DLST: variants seen among roughly 807,000 people sequenced by gnomAD.
DLST encodes dihydrolipoyllysine-residue succinyltransferase component of 2-oxoglutarate dehydrogenase complex, mitochondrial.
Under a neutral mutation model 53.1 loss-of-function variants are expected in DLST, and 17 were observed. The observed-to-expected ratio is 0.32, with a 90% CI of 0.22 to 0.48. The LOEUF is 0.48. DLST is among the 20% of genes least tolerant of loss of function. DLST has a pLI of 0.99. For missense variants in DLST, 512 were observed against 583.9 expected (o/e 0.88, Z 1.27); for synonymous variants, 206 against 204.8 (o/e 1.01, Z -0.05).
chr14:74,883,121 C>T (rs930460136), intron 2 of DLST, among the ~76,000 whole-genome samples: 4 of 151,944 alleles, frequency 2.6e-5, no homozygotes, highest in Non-Finnish European at 5.9e-5. Context: ...GGTGAAACCC[C>T]ATCTCTACTA....
At chr14:74,893,178 T>C (rs1181006971) in intron 8 of DLST, among the ~76,000 whole-genome samples, 170 bp from the exon 9 acceptor site, 1 of 152,154 alleles carries the variant, frequency 6.6e-6, no homozygotes, top group Non-Finnish European at 1.5e-5. Context: ...GTCTTTAGGC[T>C]AGTCACTTAA....
chr14:74,882,618 C>T lies in DLST; in HGVS notation c.91C>T (p.Leu31=). 1 of 1,613,942 alleles carries T rather than the reference C, an allele frequency of 6.2e-7. No homozygotes were observed. Among genetic ancestry groups the T allele is most frequent in the Non-Finnish European group, 8.5e-7 (1 of 1,179,990 alleles). ...KGNCPLGRRS[L]PGVSLCQGPG... ...GAACTGCCCTCTAGGGAGACGTTCC[C>T]TGCCTGGTAAGTTCTGCCCTTACCG... Residue 31 remains leucine, a synonymous_variant, in exon 2 of 15, where the codon CTG becomes TTG. Coordinates refer to ENST00000334220, the MANE Select transcript of DLST (RefSeq NM_001933.5).
chr14:74,882,994 A>C (rs1883581421), intron 2 of DLST, among the ~76,000 whole-genome samples: 1 of 152,210 alleles, frequency 6.6e-6, no homozygotes, highest in African/African-American at 2.4e-5. Context: ...TGAGGAGGTG[A>C]CTTAAAAGTT....
At chr14:74,882,162 G>C in intron 1 of DLST, 146 bp downstream of exon 1, 1 of 688,490 alleles carries the variant, frequency 1.5e-6, no homozygotes, top group Non-Finnish European at 2.0e-6. Context: ...TGGGCGGCCC[G>C]GGGCCGTGGT....
chr14:74,883,326 C>T (rs1008085015), intron 2 of DLST, among the ~76,000 whole-genome samples: 2 of 150,210 alleles, frequency 1.3e-5, no homozygotes, highest in Non-Finnish European at 3.0e-5. Flanking sequence ...TTATGGCTAG[C>T]AGAATGTGAC....
At chr14:74,901,429 T>A (rs1285055542) in intron 14 of DLST, among the ~76,000 whole-genome samples, 196 bp downstream of exon 14, 1 of 152,242 alleles carries the variant, frequency 6.6e-6, no homozygotes, top group Non-Finnish European at 1.5e-5. Flanking sequence ...TGCATATTCT[T>A]AGACCCCATC....
rs151007114 is a variant in DLST, at chr14:74,881,993, C to G, written c.40C>G (p.Arg14Gly). ...RSRCVSRAFS[R>G]SLSAFQKGNC... ...CCGCTGTGTGTCTCGGGCGTTCAGC[C>G]GCTCGCTCTCCGCCTTCCAGAAGGT... is the stretch of plus-strand genomic sequence containing the variant. The change falls in exon 1 of 15, where the codon CGC (arginine) becomes GGC (glycine). Residue 14 changes from arginine to glycine, a missense_variant. Physicochemically the swap from Arg to Gly is moderately radical, Grantham distance 125. Transcript: ENST00000334220. 2 of 1,572,600 alleles carry G rather than the reference C, an allele frequency of 1.3e-6. No individual in the cohort carries two copies. Among genetic ancestry groups the G allele is most frequent in the African/African-American group, 1.4e-5 (1 of 73,374 alleles).
rs369591678 is a variant in DLST at position 74,899,927 on chromosome 14, T to G, written c.906T>G (p.Ile302Met). 6.2e-7 allele frequency: 1 copy of G among 1,612,240 alleles called. No homozygotes were observed. Among genetic ancestry groups the G allele is most frequent in the Non-Finnish European group, 8.5e-7 (1 of 1,179,110 alleles). Residue 302 changes from isoleucine (I) to methionine (M), a missense_variant, in exon 12 of 15, where the codon ATT (isoleucine) becomes ATG (methionine). Physicochemically the swap from Ile to Met is conservative, Grantham distance 10. Coordinates refer to ENST00000334220, the MANE Select transcript of DLST (RefSeq NM_001933.5). ...LQEQPVVNAV[I>M]DDTTKEVVYR... The stretch of plus-strand genomic sequence containing the variant: ...CATGTATTTTCTCTCTCATAGTGAT[T>G]GACGACACAACCAAAGAGGTGGTGT...
intron 3 of DLST, among the ~76,000 whole-genome samples, chr14:74,886,298 TCTTA>T (rs1361402811): frequency 1.3e-5 from 2 of 152,220 alleles, no homozygotes; most frequent in African/African-American, 2.4e-5. Flanking sequence ...CGGATGAGCT[TCTTA>T]CTTACTCTAC....
intron 10 of DLST, 38 bp downstream of exon 10, chr14:74,894,447 T>C: frequency 6.2e-7 from 1 of 1,600,424 alleles, no homozygotes; most frequent in South Asian, 1.1e-5. Context: ...TAGGCCCCTT[T>C]TTCTTAGAGA....
chr14:74,893,420 A>G lies in DLST; in HGVS notation c.668A>G (p.His223Arg), dbSNP rs1300645820. The part of the protein sequence containing the change: ...PGAGKGLRSE[H>R]REKMNRMRQR... ...GCTGGCAAAGGTCTGCGTTCAGAAC[A>G]TCGGGTAAGCCTCTGAGGACCACTT... Residue 223 changes from histidine to arginine, a missense_variant, in exon 9 of 15, where the codon CAT (histidine) becomes CGT (arginine). Around this residue, in one of 4 missense-constraint regions of DLST, gnomAD observed 162 missense variants for 162.0 expected, o/e 1.00. Coordinates refer to ENST00000334220, the MANE Select transcript of DLST (RefSeq NM_001933.5). The G allele has an allele frequency of 1.3e-5, 21 of 1,614,222 alleles. No individual in the cohort carries two copies. Among genetic ancestry groups the G allele is most frequent in the Non-Finnish European group, 1.6e-5 (19 of 1,180,046 alleles).
chr14:74,894,441 C>T (rs776700923), intron 10 of DLST, 32 bp downstream of exon 10: 3 of 1,602,470 alleles, frequency 1.9e-6, no homozygotes, highest in Non-Finnish European at 2.6e-6. Flanking sequence ...ATCCCCTAGG[C>T]CCCTTTTTCT....
At chr14:74,891,566 CTT>C (rs1230559317) in intron 7 of DLST, 2 of 993,262 alleles carry the variant, frequency 2.0e-6, no homozygotes, top group African/African-American at 3.5e-5. Flanking sequence ...TGCTCATTGT[CTT>C]TTATGGGGAA....
At position 74,902,328 on chromosome 14, in the gene DLST, T is replaced by C. The variant is rs779551720; in HGVS notation, c.1360T>C (p.Ter454GlnextTer9). The C allele has an allele frequency of 3.7e-6, 6 of 1,610,094 alleles. No individual in the cohort carries two copies. The highest frequency in any genetic ancestry group is 2.2e-5 in the East Asian group (1 of 44,798). Residue 454 changes from the stop codon to glutamine (Q), a stop_lost, in exon 15 of 15, where the codon TAG becomes CAG. Coordinates refer to ENST00000334220, the MANE Select transcript of DLST (RefSeq NM_001933.5). ...EDPRVLLLDL* is the reference protein window; with the variant it reads ...EDPRVLLLDLQ ...TCCCAGAGTCCTCCTCCTGGATCTT[T>C]AGGAGGAACCCACACACCCTACAAG...
intron 10 of DLST, among the ~76,000 whole-genome samples, chr14:74,895,985 C>T (rs997355170): frequency 6.6e-6 from 1 of 152,208 alleles, no homozygotes; most frequent in Non-Finnish European, 1.5e-5. Flanking sequence ...TCCCAAATGG[C>T]TGGGACCACT....
At chr14:74,899,332 T>TAG (rs545946156) in intron 11 of DLST, among the ~76,000 whole-genome samples, 34 of 152,120 alleles carry the variant, frequency 2.2e-4, no homozygotes, top group Non-Finnish European at 3.5e-4. Flanking sequence ...CTGGATGTCT[T>TAG]ATCTAACAAT....
chr14:74,903,245 C>T lies in DLST; in HGVS notation c.*915C>T, dbSNP rs75210798. The stretch of plus-strand genomic sequence containing the variant: ...AAGGGAGGTCTCCTCTAGACTGACT[C>T]ACATTGCCTTGAGCTTTTCAGTTAA... On this transcript the variant is annotated 3_prime_UTR_variant, in exon 15 of 15. Transcript: ENST00000334220. 1,401 of 152,808 alleles carry T rather than the reference C, an allele frequency of 9.2e-3. 14 individuals are homozygous for T. Among genetic ancestry groups the T allele is most frequent in the Middle Eastern group, 0.037 (11 of 294 alleles). The allele number at this position is 152,808 out of a possible 1,614,324, so 9.5% of individuals were successfully genotyped here. A position where few individuals can be genotyped will look rare whatever the true frequency, so the allele number is the denominator to read the frequency against.
At chr14:74,889,596 C>T (rs1388608180) in intron 5 of DLST, 8 of 538,294 alleles carry the variant, frequency 1.5e-5, no homozygotes, top group African/African-American at 9.5e-5. Flanking sequence ...GTCTCAAACT[C>T]CTGACCTCAG....
intron 3 of DLST, 103 bp from the exon 4 acceptor site, chr14:74,888,992 C>G (rs1177357065): frequency 8.4e-7 from 1 of 1,188,740 alleles, no homozygotes; most frequent in African/African-American, 1.5e-5. Context: ...CACCCCTGGT[C>G]AAGAGTCACT....
Sources: allele counts gnomAD v4.1 joint callset (sites outside exome capture counted in the v4.1 genomes callset), GRCh38; gene constraint gnomAD v4.1.1; regional missense constraint gnomAD v4.1.1; transcripts MANE v1.5; gene names NCBI Gene and HGNC (gene_info 2026-07-23, HGNC 2026-07-21).